ZNF704: variants seen among roughly 807,000 people sequenced by gnomAD.
The protein encoded by ZNF704 is glucocorticoid induced gene 1.
In ZNF704, 10 loss-of-function variants were observed where a neutral mutation model predicts 44.7. The ratio of observed to expected loss-of-function variants is 0.22; its 90% CI spans 0.14 to 0.38. ZNF704 has a LOEUF of 0.38. ZNF704 is among the 10% of genes least tolerant of loss of function. ZNF704 has a pLI of 1.00. For synonymous variants in ZNF704, 211 were observed against 207.6 expected (o/e 1.02, Z -0.14); for missense variants, 390 against 545.5 (o/e 0.71, Z 2.84).
chr8:80,813,686 T>C (rs1234448066), intron 2 of ZNF704, among the ~76,000 whole-genome samples: 1 of 151,960 alleles, frequency 6.6e-6, no homozygotes, highest in Non-Finnish European at 1.5e-5. Flanking sequence ...GACCATGCTG[T>C]CTTAACACGG....
At chr8:80,800,037 A>G (rs1472740885) in intron 2 of ZNF704, among the ~76,000 whole-genome samples, 1 of 152,218 alleles carries the variant, frequency 6.6e-6, no homozygotes, top group East Asian at 1.9e-4. Flanking sequence ...AAGTATCAAG[A>G]GCAGAATAGA....
At chr8:80,836,246 C>T (rs1808556391) in intron 1 of ZNF704, among the ~76,000 whole-genome samples, 1 of 152,176 alleles carries the variant, frequency 6.6e-6, no homozygotes, top group African/African-American at 2.4e-5. Flanking sequence ...CACAGCTACC[C>T]CCAGCCTTGC....
chr8:80,823,661 G>A (rs904080750), intron 1 of ZNF704, among the ~76,000 whole-genome samples: 1 of 152,186 alleles, frequency 6.6e-6, no homozygotes, highest in Admixed American at 6.5e-5. Context: ...CTAACTGGGA[G>A]GTACCTCCCA....
intron 2 of ZNF704, among the ~76,000 whole-genome samples, chr8:80,747,491 G>C (rs2131701220): frequency 6.6e-6 from 1 of 152,206 alleles, no homozygotes; most frequent in East Asian, 1.9e-4. Context: ...AGTGGGACTG[G>C]GGACAAGGGC....
intron 6 of ZNF704, among the ~76,000 whole-genome samples, chr8:80,660,030 G>A (rs987902919): frequency 2.0e-5 from 3 of 152,224 alleles, no homozygotes; most frequent in Admixed American, 2.0e-4. Context: ...ATACTGTGAG[G>A]GTGGGTGTGA....
chr8:80,739,187 C>T (rs752960356), intron 2 of ZNF704, among the ~76,000 whole-genome samples: 1 of 152,176 alleles, frequency 6.6e-6, no homozygotes, highest in Non-Finnish European at 1.5e-5. Context: ...CATAATAAGT[C>T]ATTTTCTCCA....
At position 80,820,637 on chromosome 8, in the gene ZNF704, T is replaced by C. The variant is rs533163884; in HGVS notation, c.221+737A>G. ...AAGGCAGGCCAGGCACAGTAACTCA[T>C]GCCTGTAATCTCAGGACTTTGGGAG... is the stretch of plus-strand genomic sequence containing the variant. On this transcript the variant is annotated intron_variant, in intron 2 of 8. Coordinates refer to ENST00000327835, the MANE Select transcript of ZNF704 (RefSeq NM_001033723.3). 5.3e-5 allele frequency among the ~76,000 whole-genome samples: 8 copies of C among 152,282 alleles called. No homozygotes were observed. The East Asian group carries it at 9.7e-4, about 18-fold the overall frequency.
intron 2 of ZNF704, among the ~76,000 whole-genome samples, chr8:80,697,570 G>A (rs895105306): frequency 6.6e-5 from 10 of 152,152 alleles, no homozygotes; most frequent in African/African-American, 2.4e-4. Flanking sequence ...AGATAATGTG[G>A]CTTCAGATCC....
chr8:80,846,200 T>C (rs150349253), intron 1 of ZNF704, among the ~76,000 whole-genome samples: 1 of 152,298 alleles, frequency 6.6e-6, no homozygotes, highest in African/African-American at 2.4e-5. Context: ...ATTCAATTCA[T>C]TGACTAATGA....
chr8:80,663,449 G>T (rs575483824), intron 6 of ZNF704, among the ~76,000 whole-genome samples: 76 of 152,106 alleles, frequency 5.0e-4, no homozygotes, highest in African/African-American at 1.8e-3. Flanking sequence ...TGTCCCTAAG[G>T]TCTTCTCAGA....
In ZNF704 at chr8:80,631,975, C is replaced by A. The variant is rs1020308272; in HGVS notation, c.*9391G>T. 1.4e-4 allele frequency: 21 copies of A among 152,188 alleles called. No individual in the cohort carries two copies. Among genetic ancestry groups the A allele is most frequent in the Admixed American group, 6.5e-5 (1 of 15,276 alleles). 9.4% of individuals were successfully genotyped at this position (152,188 alleles called of 1,614,324 possible). On this transcript the variant is annotated 3_prime_UTR_variant, in exon 9 of 9. Coordinates refer to ENST00000327835, the MANE Select transcript of ZNF704 (RefSeq NM_001033723.3). ...ACAACAGCCTGGCCTCTAGCTCAGGCAGATGAGGGCAAAGGGGAGGGTAAT... is the reference window on the plus strand; with the variant it reads ...ACAACAGCCTGGCCTCTAGCTCAGGAAGATGAGGGCAAAGGGGAGGGTAAT...
chr8:80,827,857 C>T (rs1808406014), intron 1 of ZNF704, among the ~76,000 whole-genome samples: 1 of 152,208 alleles, frequency 6.6e-6, no homozygotes, highest in Non-Finnish European at 1.5e-5. Context: ...GCTGGGAAAA[C>T]TGGCTAGCCA....
At chr8:80,883,262 A>G in the ZNF704 span, among the ~76,000 whole-genome samples, 219 of 150,950 alleles carry the variant, frequency 1.5e-3, 1 homozygote, top group African/African-American at 4.8e-3. Flanking sequence ...AAAAAAAAAA[A>G]AAAGAAAGAA....
At chr8:80,791,804 G>A (rs1455820810) in intron 2 of ZNF704, among the ~76,000 whole-genome samples, 1 of 152,200 alleles carries the variant, frequency 6.6e-6, no homozygotes, top group Non-Finnish European at 1.5e-5. Context: ...GGGTAAGGAA[G>A]TGATGAGTTC....
chr8:80,715,131 G>T (rs1266878843), intron 2 of ZNF704, among the ~76,000 whole-genome samples: 1 of 152,138 alleles, frequency 6.6e-6, no homozygotes, highest in Admixed American at 6.5e-5. Flanking sequence ...ATGGGACAGG[G>T]AATGAAATAA....
intron 2 of ZNF704, among the ~76,000 whole-genome samples, chr8:80,721,351 A>T (rs1819163862): frequency 6.6e-6 from 1 of 152,212 alleles, no homozygotes; most frequent in African/African-American, 2.4e-5. Flanking sequence ...TGAACATCTT[A>T]GATACGTGAA....
In ZNF704 at chr8:80,643,233, G is replaced by C. The variant is rs1351590840; in HGVS notation, c.1033-104C>G. 1.1e-5 allele frequency: 8 copies of C among 744,930 alleles called. 1 individual carries two copies. The highest frequency in any genetic ancestry group is 2.5e-4 in the Middle Eastern group (1 of 4,004). 46.1% of individuals were successfully genotyped at this position (744,930 alleles called of 1,614,324 possible). A position where few individuals can be genotyped will look rare whatever the true frequency, so the allele number is the denominator to read the frequency against. ...CTGATCCTTGACCATTAGAAGCAGA[G>C]ATGAGGCCAGGCACGGTGATTCATA... On this transcript the variant is annotated intron_variant, in intron 7 of 8. Coordinates refer to ENST00000327835, the MANE Select transcript of ZNF704 (RefSeq NM_001033723.3).
At chr8:80,656,538 A>G (rs189635530) in intron 7 of ZNF704, among the ~76,000 whole-genome samples, 36 of 152,328 alleles carry the variant, frequency 2.4e-4, no homozygotes, top group South Asian at 1.9e-3. Context: ...CCACAGCCTT[A>G]GGCTACAAAA....
chr8:80,691,586 T>C (rs1170142194), intron 3 of ZNF704, among the ~76,000 whole-genome samples: 18 of 152,174 alleles, frequency 1.2e-4, no homozygotes, highest in African/African-American at 4.3e-4. Flanking sequence ...CACTGCTTCC[T>C]TCCTCGGCCA....
Sources: gnomAD v4.1 joint callset for allele counts (sites outside exome capture counted in the v4.1 genomes callset) on GRCh38, gnomAD v4.1.1 for gene constraint, MANE v1.5 for transcripts, NCBI Gene and HGNC (gene_info 2026-07-23, HGNC 2026-07-21) for gene names.